Variants in TOP2A observed in about 807,000 individuals in gnomAD.
TOP2A encodes the protein DNA topoisomerase II alpha.
Under a neutral mutation model 187.2 loss-of-function variants are expected in TOP2A, and 68 were observed. The ratio of observed to expected loss-of-function variants is 0.36; its 90% CI spans 0.30 to 0.44. The LOEUF (loss-of-function observed/expected upper bound fraction) is 0.44, where lower values mean the gene tolerates loss of function less well. TOP2A is among the 20% of genes least tolerant of loss of function. The pLI is 1.00. For missense variants in TOP2A, 1,196 were observed against 1,808.7 expected, an observed-to-expected ratio of 0.66 and a Z score of 6.14; for synonymous variants, 542 against 593.2, an observed-to-expected ratio of 0.91 and a Z score of 1.25.
chr17:40,415,685 C>G (rs1160711496), intron 4 of TOP2A, among the ~76,000 whole-genome samples: 3 of 152,182 alleles, frequency 2.0e-5, no homozygotes, highest in African/African-American at 7.2e-5. Flanking sequence ...AAATAGGCCG[C>G]GTGCCATGGC....
At position 40,416,908 on chromosome 17, in the gene TOP2A, A is replaced by G. The variant is rs747261217; in HGVS notation, c.22-13T>C. 6.4e-7 allele frequency: 1 copy of G among 1,573,990 alleles called. No homozygotes were observed. ...TTTCATTTACAGGCTAGCAATTAAAAAAAAAGAGAGAAAGAAGGGAATTTT... is the reference window on the plus strand; with the variant it reads ...TTTCATTTACAGGCTAGCAATTAAAGAAAAAGAGAGAAAGAAGGGAATTTT... On this transcript the variant is annotated splice_polypyrimidine_tract_variant and intron_variant, in intron 1 of 34. Transcript: ENST00000423485.
rs756159113 is a variant in TOP2A, at chr17:40,406,610, T to A, written c.1817A>T (p.Lys606Ile). The A allele has an allele frequency of 2.5e-6, 4 of 1,611,890 alleles. No individual in the cohort carries two copies. In the South Asian group the frequency reaches 4.4e-5, roughly 18 times the overall value. Reference protein sequence around the residue: ...EEWKSSTPNHKKWKVKYYKGL... With the variant: ...EEWKSSTPNHIKWKVKYYKGL... ...TTTGTAATATTTGACTTTCCATTTT[T>A]TATGATTTGGAGTAGAACTCTTCCA... The change falls in exon 15 of 35, where the codon AAA (lysine) becomes ATA (isoleucine). Residue 606 changes from lysine (K) to isoleucine (I), a missense_variant. Around this residue, in one of 10 missense-constraint regions of TOP2A, gnomAD observed 209 missense variants for 376.9 expected, o/e 0.55. Coordinates refer to ENST00000423485, the MANE Select transcript of TOP2A (RefSeq NM_001067.4).
chr17:40,406,389 T>A lies in TOP2A; in HGVS notation c.1948A>T (p.Ser650Cys), dbSNP rs766016981. 6.2e-7 allele frequency: 1 copy of A among 1,611,026 alleles called. No homozygotes were observed. Among genetic ancestry groups the A allele is most frequent in the Admixed American group, 1.7e-5 (1 of 59,752 alleles). ...YSGPEDDAAI[S>C]LAFSKKQIDD... is the part of the protein sequence containing the mutation. ...AAAATACAACTCAAACCTACCAGGC[T>A]GATAGCAGCATCATCTTCAGGACCA... Residue 650 changes from serine (S) to cysteine (C), a missense_variant, in exon 16 of 35, where the codon AGC becomes TGC. Physicochemically the swap from Ser to Cys is moderately radical, Grantham distance 112. Transcript: ENST00000423485.
chr17:40,407,492 A>C (rs2035264378), intron 13 of TOP2A, 57 bp downstream of exon 13: 1 of 1,395,128 alleles, frequency 7.2e-7, no homozygotes, highest in South Asian at 1.4e-5. Context: ...CAATGAAATT[A>C]AATTAAGACA....
chr17:40,404,980 T>C (rs2035220773), intron 16 of TOP2A, 97 bp from the exon 17 acceptor site: 11 of 732,296 alleles, frequency 1.5e-5, no homozygotes, highest in South Asian at 1.3e-4. Flanking sequence ...AAAACAAAAA[T>C]ACTGTTTTCC....
rs1598605782 is a variant in TOP2A, at chr17:40,389,010, A to G, written c.*509T>C. 1 of 215,868 alleles carries G rather than the reference A, an allele frequency of 4.6e-6. No homozygotes were observed. The highest frequency in any genetic ancestry group is 9.4e-6 in the Non-Finnish European group (1 of 106,342). The allele number at this position is 215,868 out of a possible 1,614,324, so 13.4% of individuals were successfully genotyped here. A position where few individuals can be genotyped will look rare whatever the true frequency, so the allele number is the denominator to read the frequency against. The stretch of plus-strand genomic sequence containing the variant: ...CATTGCTTAAAGAAAAACTTGGCAC[A>G]TAAGAGGCTGAGTGTAGTAGAGTAT... On this transcript the variant is annotated 3_prime_UTR_variant, in exon 35 of 35. Transcript: ENST00000423485.
At chr17:40,417,587 A>C in intron 1 of TOP2A, 184 bp downstream of exon 1, 1 of 1,452,060 alleles carries the variant, frequency 6.9e-7, no homozygotes, top group Middle Eastern at 2.5e-4. Flanking sequence ...GTCATACTTC[A>C]CTACTAGCAC....
intron 7 of TOP2A, among the ~76,000 whole-genome samples, 153 bp downstream of exon 7, chr17:40,412,606 T>C (rs1440119315): frequency 6.6e-6 from 1 of 152,168 alleles, no homozygotes; most frequent in African/African-American, 2.4e-5. Context: ...ATCGTGCCAC[T>C]GCACTCCAGC....
chr17:40,408,362 A>T, intron 11 of TOP2A, 130 bp downstream of exon 11: 3 of 1,078,210 alleles, frequency 2.8e-6, no homozygotes, highest in Non-Finnish European at 3.9e-6. Context: ...AAACGGGCCG[A>T]TTTTTAACAA....
chr17:40,404,388 G>A lies in TOP2A; in HGVS notation c.2150C>T (p.Ser717Phe). ...AAATTGGAACTCACCATCCACCATA[G>A]AAGGGATAGATCTCTCGTTATCAGA... ...SNSDNERSIPSMVDGLKPGQR... is the reference protein window; with the variant it reads ...SNSDNERSIPFMVDGLKPGQR... Residue 717 changes from serine (S) to phenylalanine (F), a missense_variant, in exon 18 of 35, where the codon TCT becomes TTT. Ser to Phe is a radical substitution (Grantham distance 155). This residue lies in a region of TOP2A where 209 missense variants were observed against 376.9 expected (regional missense o/e 0.55). Transcript: ENST00000423485. 6.2e-7 allele frequency: 1 copy of A among 1,608,318 alleles called. No individual in the cohort carries two copies. The highest frequency in any genetic ancestry group is 1.7e-4 in the Middle Eastern group (1 of 6,034).
intron 22 of TOP2A, 22 bp from the exon 23 acceptor site, chr17:40,400,431 A>T: frequency 6.2e-7 from 1 of 1,609,924 alleles, no homozygotes; most frequent in South Asian, 1.1e-5. Flanking sequence ...AATAATCCTG[A>T]AGTTTCTAAA....
At position 40,417,758 on chromosome 17, in the gene TOP2A, C is replaced by T. The variant is rs781505862; in HGVS notation, c.21+13G>A. Reference sequence around the variant, plus strand: ...GCGGAGGCTCCACCGCCAGTCCCCCCCGCGAGCCGTACCTGCAATGGTGAC... The same window carrying T: ...GCGGAGGCTCCACCGCCAGTCCCCCTCGCGAGCCGTACCTGCAATGGTGAC... On this transcript the variant is annotated intron_variant, in intron 1 of 34. Coordinates refer to ENST00000423485, the MANE Select transcript of TOP2A (RefSeq NM_001067.4). The T allele has an allele frequency of 4.3e-6, 7 of 1,612,840 alleles. No individual in the cohort carries two copies. The Admixed American group carries it at 5.0e-5, about 12-fold the overall frequency.
At position 40,400,056 on chromosome 17, in the gene TOP2A, GT is replaced by G; in HGVS notation, c.3011del (p.Asp1004AlafsTer3). 3.1e-6 allele frequency: 5 copies of G among 1,603,398 alleles called. No individual in the cohort carries two copies. The highest frequency in any genetic ancestry group is 4.3e-6 in the Non-Finnish European group (5 of 1,176,456). ...SLTCNSMVLF[D>X]HVGCLKKYDT... ...CATATTTCTTTAAACAGCCTACGTG[GT>G]CAAAAAGCACCTGAAAAAGGAAAAC... On this transcript the variant is annotated frameshift_variant, in exon 24 of 35. Transcript: ENST00000423485. LOFTEE classifies it high-confidence loss of function.
At chr17:40,407,038 C>A in intron 13 of TOP2A, 96 bp from the exon 14 acceptor site, 3 of 960,070 alleles carry the variant, frequency 3.1e-6, no homozygotes, top group African/African-American at 1.6e-5. Context: ...CCGAGGCAGG[C>A]GGATCGCCTG....
At chr17:40,402,084 G>A (rs1195714809) in intron 20 of TOP2A, among the ~76,000 whole-genome samples, 1 of 152,132 alleles carries the variant, frequency 6.6e-6, no homozygotes, top group Non-Finnish European at 1.5e-5. Flanking sequence ...TTTTTCCAAT[G>A]CAGATCCTAT....
Position 40,388,938 on chromosome 17 carries a change from C to T in TOP2A, c.*581G>A, listed in dbSNP as rs1443248900. 1 of 208,790 alleles carries T rather than the reference C, an allele frequency of 4.8e-6. No individual in the cohort carries two copies. The highest frequency in any genetic ancestry group is 2.3e-5 in the African/African-American group (1 of 43,964). 12.9% of individuals were successfully genotyped at this position (208,790 alleles called of 1,614,324 possible). ...TTATAGACACAGCCAAAGTGTTTTT[C>T]TTCGGCCTCTGATGATTTGAGAAGA... On this transcript the variant is annotated 3_prime_UTR_variant, in exon 35 of 35. Transcript: ENST00000423485.
intron 28 of TOP2A, among the ~76,000 whole-genome samples, chr17:40,395,944 G>A (rs1039879572): frequency 6.6e-6 from 1 of 151,188 alleles, no homozygotes; most frequent in Non-Finnish European, 1.5e-5. Context: ...GTGGACATAT[G>A]CATCAATATT....
intron 10 of TOP2A, chr17:40,409,549 A>C (rs1014482236): frequency 4.8e-6 from 2 of 416,940 alleles, no homozygotes; most frequent in Non-Finnish European, 9.4e-6. Context: ...AAGTGAGGCC[A>C]GGAGTTCAAG....
At chr17:40,408,351 G>T (rs892774806) in intron 11 of TOP2A, 141 bp downstream of exon 11, 2 of 956,896 alleles carry the variant, frequency 2.1e-6, no homozygotes, top group Non-Finnish European at 3.0e-6. Flanking sequence ...TCCATAATAG[G>T]AAACGGGCCG....
Sources: allele counts gnomAD v4.1 joint callset (sites outside exome capture counted in the v4.1 genomes callset), GRCh38; gene constraint gnomAD v4.1.1; regional missense constraint gnomAD v4.1.1; transcripts MANE v1.5; gene names NCBI Gene and HGNC (gene_info 2026-07-23, HGNC 2026-07-21).